The following CLTCL1 variants were observed in gnomAD, a reference collection of about 807,000 sequenced individuals.
The protein encoded by CLTCL1 is clathrin heavy chain 2.
A neutral mutation model predicts 190.0 loss-of-function variants in CLTCL1; 159 were observed. That is an observed-to-expected ratio of 0.84 (90% CI 0.74 to 0.95). The LOEUF (loss-of-function observed/expected upper bound fraction) is 0.95, where lower values mean the gene tolerates loss of function less well. Ranked by LOEUF, CLTCL1 falls within the 40% of genes least tolerant of loss-of-function variation. The pLI, the probability that CLTCL1 is intolerant of heterozygous loss-of-function variation, is 0.00. For missense variants in CLTCL1, 1,878 were observed against 2,033.4 expected (o/e 0.92, Z 1.47); for synonymous variants, 752 against 769.6 (o/e 0.98, Z 0.38).
At chr22:19,184,991 G>A (rs2084265286) in intron 29 of CLTCL1, among the ~76,000 whole-genome samples, 1 of 152,250 alleles carries the variant, frequency 6.6e-6, no homozygotes, top group African/African-American at 2.4e-5. Flanking sequence ...CCCACTGACC[G>A]AACTTTCATT....
At position 19,281,294 on chromosome 22, in the gene CLTCL1, C is replaced by CA. The variant is rs361827; in HGVS notation, c.43-5465dup. On this transcript the variant is annotated intron_variant, in intron 1 of 32. Transcript: ENST00000427926. ...TGGGCGACAGAGCGAGACCCTGTCTCAAAAAAAAAAAAAAAAAGAAAAGAG... is the reference window on the plus strand; with the variant it reads ...TGGGCGACAGAGCGAGACCCTGTCTCAAAAAAAAAAAAAAAAAAGAAAAGAG... Among the ~76,000 whole-genome samples, 84 of 116,464 alleles carry CA rather than the reference C, an allele frequency of 7.2e-4. 1 individual carries two copies. The highest frequency in any genetic ancestry group is 1.7e-3 in the South Asian group (6 of 3,454). The allele number at this position is 116,464 out of a possible 152,430, so 76.4% of individuals were successfully genotyped here.
At chr22:19,263,780 G>T (rs2087031610) in intron 2 of CLTCL1, among the ~76,000 whole-genome samples, 2 of 152,126 alleles carry the variant, frequency 1.3e-5, no homozygotes, top group African/African-American at 4.8e-5. Context: ...ACACTTAATA[G>T]ATTACAGCAT....
At chr22:19,262,768 T>C (rs1180929120) in intron 2 of CLTCL1, among the ~76,000 whole-genome samples, 1 of 151,988 alleles carries the variant, frequency 6.6e-6, no homozygotes, top group Admixed American at 6.6e-5. Context: ...CAGTGGCTCA[T>C]GCCTGTAATC....
chr22:19,208,068 A>C, intron 22 of CLTCL1, 86 bp downstream of exon 22: 2 of 1,554,258 alleles, frequency 1.3e-6, no homozygotes, highest in Non-Finnish European at 8.8e-7. Flanking sequence ...CCCTGGTGCC[A>C]AAACAGCTCG....
chr22:19,183,165 T>G, intron 30 of CLTCL1: 1 of 530,698 alleles, frequency 1.9e-6, no homozygotes, highest in African/African-American at 1.9e-5. Context: ...GGAGGGCTGC[T>G]GCCAGTGGGC....
At chr22:19,279,714 T>C (rs1555985409) in intron 1 of CLTCL1, among the ~76,000 whole-genome samples, 1 of 152,262 alleles carries the variant, frequency 6.6e-6, no homozygotes, top group Non-Finnish European at 1.5e-5. Context: ...CCAAGCCTTT[T>C]ATCTGTGGCA....
chr22:19,235,640 A>G, intron 6 of CLTCL1, 56 bp downstream of exon 6: 2 of 1,533,370 alleles, frequency 1.3e-6, no homozygotes, highest in South Asian at 2.5e-5. Flanking sequence ...GGAAAGTTTA[A>G]ACGCCAGTCC....
rs1373023817 is a variant in CLTCL1 at position 19,198,768 on chromosome 22, G to C, written c.3873+966C>G. On this transcript the variant is annotated intron_variant, in intron 24 of 32. Transcript: ENST00000427926. The surrounding 1 kb of genome is among the most constrained non-coding windows in gnomAD (Gnocchi z 4.1). ...TATATAATTATTCATTAGGTTTGTTGCTTGCCTGCCAACCTTGCTGAATGC... is the reference window on the plus strand; with the variant it reads ...TATATAATTATTCATTAGGTTTGTTCCTTGCCTGCCAACCTTGCTGAATGC... 6.6e-6 allele frequency among the ~76,000 whole-genome samples: 1 copy of C among 152,148 alleles called. No homozygotes were observed. Among genetic ancestry groups the C allele is most frequent in the East Asian group, 1.9e-4 (1 of 5,200 alleles).
At position 19,223,818 on chromosome 22, in the gene CLTCL1, C is replaced by T. The variant is rs141715240; in HGVS notation, c.2292+73G>A. 1.6e-3 allele frequency: 2,578 copies of T among 1,572,124 alleles called. 4 individuals carry two copies. The highest frequency in any genetic ancestry group is 2.0e-3 in the Non-Finnish European group (2,334 of 1,149,128). ...CAGATCCAGCTTCCTGCCCCTGGGA[C>T]GTCCTGCGGATGGTCTGCCCCACCT... On this transcript the variant is annotated intron_variant, in intron 14 of 32. Coordinates refer to ENST00000427926, the MANE Select transcript of CLTCL1 (RefSeq NM_007098.4).
At chr22:19,255,587 A>G (rs1205534032) in intron 2 of CLTCL1, among the ~76,000 whole-genome samples, 3 of 151,438 alleles carry the variant, frequency 2.0e-5, no homozygotes, top group African/African-American at 7.3e-5. Flanking sequence ...GAATTTTGAG[A>G]TACTAGCAGC....
At position 19,209,110 on chromosome 22, in the gene CLTCL1, A is replaced by G; in HGVS notation, c.3254T>C (p.Leu1085Pro). ...GTCCAGGTTTCCAATGTGCTCGATC[A>G]GGACCTAGGGGTTATGAGAGGACTT... ...FDMNASAIQVLIEHIGNLDRA... is the reference protein window; with the variant it reads ...FDMNASAIQVPIEHIGNLDRA... The change falls in exon 21 of 33, where the codon CTG becomes CCG. Residue 1085 changes from leucine (L) to proline (P), a missense_variant. Transcript: ENST00000427926. 2 of 1,599,314 alleles carry G rather than the reference A, an allele frequency of 1.3e-6. No individual in the cohort carries two copies. The highest frequency in any genetic ancestry group is 1.7e-6 in the Non-Finnish European group (2 of 1,172,220).
Position 19,226,402 on chromosome 22 carries a change from G to A in CLTCL1, c.1783-19C>T, listed in dbSNP as rs1346578677. The A allele has an allele frequency of 6.8e-6, 11 of 1,613,490 alleles. No homozygotes were observed. Among genetic ancestry groups the A allele is most frequent in the African/African-American group, 5.3e-5 (4 of 74,920 alleles). On this transcript the variant is annotated intron_variant, in intron 11 of 32. Coordinates refer to ENST00000427926, the MANE Select transcript of CLTCL1 (RefSeq NM_007098.4). ...CTGCAACCTATGAAACAGGGAGTTC[G>A]GTGAGAAGCCCTGATCAATGGCAAT... is the stretch of plus-strand genomic sequence containing the variant.
chr22:19,246,275 T>C (rs544028499), intron 3 of CLTCL1, among the ~76,000 whole-genome samples: 173 of 151,930 alleles, frequency 1.1e-3, no homozygotes, highest in Non-Finnish European at 2.1e-3. Context: ...TTAGCCAGGA[T>C]GGTCTTGATC....
Position 19,277,078 on chromosome 22 carries a change from G to C in CLTCL1, c.43-1248C>G, listed in dbSNP as rs540205735. 7.2e-5 allele frequency among the ~76,000 whole-genome samples: 11 copies of C among 152,270 alleles called. No homozygotes were observed. The South Asian group carries it at 2.3e-3, about 32-fold the overall frequency. ...TGTAACCTTGAAGAGGCTCACACTAGCAACAAAGATCATGGACCGCTGCAT... is the reference window on the plus strand; with the variant it reads ...TGTAACCTTGAAGAGGCTCACACTACCAACAAAGATCATGGACCGCTGCAT... On this transcript the variant is annotated intron_variant, in intron 1 of 32. Coordinates refer to ENST00000427926, the MANE Select transcript of CLTCL1 (RefSeq NM_007098.4).
chr22:19,290,893 C>G (rs1391617262), intron 1 of CLTCL1, among the ~76,000 whole-genome samples: 1 of 152,148 alleles, frequency 6.6e-6, no homozygotes, highest in African/African-American at 2.4e-5. Context: ...CAGGGAGGAG[C>G]CGCTGGCTAT....
chr22:19,210,869 TA>T (rs1555946353), intron 19 of CLTCL1, among the ~76,000 whole-genome samples: 1 of 152,174 alleles, frequency 6.6e-6, no homozygotes. Context: ...ACTGTATTTC[TA>T]AGCAATATAG....
Position 19,199,755 on chromosome 22 carries a change from C to T in CLTCL1, c.3852G>A (p.Glu1284=), listed in dbSNP as rs1170674636. Residue 1284 remains glutamate, a synonymous_variant, in exon 24 of 33, where the codon GAG becomes GAA. Coordinates refer to ENST00000427926, the MANE Select transcript of CLTCL1 (RefSeq NM_007098.4). ...TCACCTGGTAATAGCACATCAGCTC[C>T]TCCAGCTCATCTGCATGAATGACGA... is the stretch of plus-strand genomic sequence containing the variant. ...LHIVIHADEL[E]ELMCYYQDRG... is the part of the protein sequence containing the mutation. 3 of 1,590,972 alleles carry T rather than the reference C, an allele frequency of 1.9e-6. No homozygotes were observed.
At position 19,242,795 on chromosome 22, in the gene CLTCL1, G is replaced by A. The variant is rs376289636; in HGVS notation, c.661C>T (p.Arg221Cys). The A allele has an allele frequency of 3.2e-5, 52 of 1,613,868 alleles. No homozygotes were observed. In the East Asian group the frequency reaches 9.4e-4, roughly 29 times the overall value. ...CTTACCTTGCCTCCTGTGGGATTAC[G>A]TACAGCAAAGCAGAAAAGGGTGGCA... is the stretch of plus-strand genomic sequence containing the variant. ...KPATLFCFAV[R>C]NPTGGKLHII... The change falls in exon 4 of 33, where the codon CGT (arginine) becomes TGT (cysteine). Residue 221 changes from arginine to cysteine, a missense_variant. Arg to Cys is a radical substitution (Grantham distance 180). Transcript: ENST00000427926.
At chr22:19,184,582 G>A (rs1555927444) in intron 29 of CLTCL1, 3 of 455,910 alleles carry the variant, frequency 6.6e-6, no homozygotes, top group African/African-American at 2.0e-5. Context: ...AGCTCCAGGT[G>A]CCTTTGGGTC....
Sources: allele counts gnomAD v4.1 joint callset (sites outside exome capture counted in the v4.1 genomes callset), GRCh38; gene constraint gnomAD v4.1.1; non-coding constraint Gnocchi (gnomAD v3.1); transcripts MANE v1.5; gene names NCBI Gene and HGNC (gene_info 2026-07-23, HGNC 2026-07-21).